The following MSRA variants were observed in gnomAD, a reference collection of about 807,000 sequenced individuals.
MSRA encodes mitochondrial peptide methionine sulfoxide reductase.
A neutral mutation model predicts 31.3 loss-of-function variants in MSRA; 54 were observed. The ratio of observed to expected loss-of-function variants is 1.73; its 90% CI spans 1.39 to 2.17. The LOEUF is 2.17. Among genes scored for constraint, MSRA ranks in the 30% most tolerant of loss-of-function variants. The pLI is 0.00. For synonymous variants in MSRA, 169 were observed against 116.5 expected, an observed-to-expected ratio of 1.45 and a Z score of -2.90; for missense variants, 507 against 300.9, an observed-to-expected ratio of 1.69 and a Z score of -5.07.
At chr8:10,351,700 G>T (rs1804160207) in intron 5 of MSRA, among the ~76,000 whole-genome samples, 1 of 152,230 alleles carries the variant, frequency 6.6e-6, no homozygotes, top group Non-Finnish European at 1.5e-5. Flanking sequence ...AAGAAGACTT[G>T]TGGTGTGGAT....
At chr8:10,226,060 C>G (rs1810972552) in intron 2 of MSRA, among the ~76,000 whole-genome samples, 1 of 152,174 alleles carries the variant, frequency 6.6e-6, no homozygotes, top group Admixed American at 6.5e-5. Context: ...AGCCTCTGGA[C>G]CTCATGGTTC....
intron 1 of MSRA, among the ~76,000 whole-genome samples, chr8:10,077,468 A>C (rs1585098327): frequency 1.4e-5 from 2 of 144,616 alleles, no homozygotes; most frequent in South Asian, 2.2e-4. Context: ...ATTCTTTTTC[A>C]CTACCTTCTC....
Position 10,245,185 on chromosome 8 carries a change from G to T in MSRA, c.293G>T (p.Gly98Val). The T allele has an allele frequency of 6.2e-7, 1 of 1,613,628 alleles. No individual in the cohort carries two copies. Among genetic ancestry groups the T allele is most frequent in the East Asian group, 2.2e-5 (1 of 44,836 alleles). The part of the protein sequence containing the change: ...VYSTQVGFAG[G>V]YTSNPTYKEV... ...TCAACTCAAGTTGGTTTTGCAGGAG[G>T]CTATACTTCAAATCCTACTTATAAA... The change falls in exon 3 of 6, where the codon GGC becomes GTC. Residue 98 changes from glycine to valine, a missense_variant. Gly to Val is a moderately radical substitution (Grantham distance 109). Transcript: ENST00000317173.
intron 5 of MSRA, among the ~76,000 whole-genome samples, chr8:10,355,786 A>T (rs900248249): frequency 9.5e-4 from 144 of 152,188 alleles, no homozygotes; most frequent in African/African-American, 3.4e-3. Context: ...AGCCAGGAAG[A>T]TATGCCATAT....
intron 2 of MSRA, among the ~76,000 whole-genome samples, chr8:10,242,362 A>G (rs1050900995): frequency 1.3e-5 from 2 of 152,166 alleles, no homozygotes; most frequent in Admixed American, 1.3e-4. Flanking sequence ...ATAAAGTGTA[A>G]GAAACATAGG....
chr8:10,359,148 G>T (rs1275829131), intron 5 of MSRA, among the ~76,000 whole-genome samples: 1 of 152,124 alleles, frequency 6.6e-6, no homozygotes, highest in Non-Finnish European at 1.5e-5. Context: ...GTTGTCTTCA[G>T]TTATGTACTT....
intron 2 of MSRA, among the ~76,000 whole-genome samples, chr8:10,230,294 T>C (rs1482483249): frequency 6.6e-6 from 1 of 152,202 alleles, no homozygotes; most frequent in African/African-American, 2.4e-5. Flanking sequence ...TGATTGACAT[T>C]CTGGAAAGAC....
At chr8:10,394,907 A>G (rs1311731036) in intron 5 of MSRA, among the ~76,000 whole-genome samples, 1 of 152,220 alleles carries the variant, frequency 6.6e-6, no homozygotes, top group African/African-American at 2.4e-5. Context: ...CTACAGTTAT[A>G]TTTCCATTCA....
At chr8:10,134,636 G>T (rs1802138407) in intron 1 of MSRA, among the ~76,000 whole-genome samples, 1 of 152,196 alleles carries the variant, frequency 6.6e-6, no homozygotes, top group African/African-American at 2.4e-5. Flanking sequence ...CGGCAGACCA[G>T]GCATGACTGC....
At chr8:10,239,633 G>A (rs1812238954) in intron 2 of MSRA, among the ~76,000 whole-genome samples, 1 of 152,176 alleles carries the variant, frequency 6.6e-6, no homozygotes, top group African/African-American at 2.4e-5. Context: ...GAGTGCCCAG[G>A]CAATAGCTGT....
chr8:10,351,545 C>G (rs1355566071), intron 5 of MSRA, among the ~76,000 whole-genome samples: 1 of 152,144 alleles, frequency 6.6e-6, no homozygotes, highest in East Asian at 1.9e-4. Flanking sequence ...AGCCACTGTG[C>G]CCGGCCGAAA....
chr8:10,110,558 T>C (rs1281434809), intron 1 of MSRA, among the ~76,000 whole-genome samples: 1 of 152,240 alleles, frequency 6.6e-6, no homozygotes, highest in East Asian at 1.9e-4. Context: ...TTTCTTTCAT[T>C]GTTTTCTGTA....
intron 1 of MSRA, among the ~76,000 whole-genome samples, chr8:10,131,598 T>C (rs993915936): frequency 3.9e-5 from 6 of 152,214 alleles, no homozygotes; most frequent in Non-Finnish European, 4.4e-5. Flanking sequence ...GGAATCCTAG[T>C]ATTCACACAT....
intron 1 of MSRA, among the ~76,000 whole-genome samples, chr8:10,119,160 CT>C (rs1156843639): frequency 6.6e-6 from 1 of 152,216 alleles, no homozygotes; most frequent in Non-Finnish European, 1.5e-5. Flanking sequence ...CACAAGAACT[CT>C]CTAAACATGT....
intron 1 of MSRA, among the ~76,000 whole-genome samples, chr8:10,089,485 G>T (rs982665045): frequency 2.0e-5 from 3 of 152,216 alleles, no homozygotes; most frequent in African/African-American, 4.8e-5. Flanking sequence ...CCCATGGTCA[G>T]TGTCTGATGT....
chr8:10,330,061 A>G (rs1585490856), intron 5 of MSRA, among the ~76,000 whole-genome samples: 1 of 135,374 alleles, frequency 7.4e-6, no homozygotes, highest in Non-Finnish European at 1.6e-5. Flanking sequence ...AAGCATTTGG[A>G]TGTTTGGCAA....
At chr8:10,093,369 G>C (rs995127728) in intron 1 of MSRA, among the ~76,000 whole-genome samples, 3 of 151,900 alleles carry the variant, frequency 2.0e-5, no homozygotes, top group African/African-American at 7.3e-5. Context: ...TGGTTGCCCT[G>C]GGGATTACAG....
chr8:10,160,695 A>G (rs559130264), intron 1 of MSRA, among the ~76,000 whole-genome samples: 9 of 152,040 alleles, frequency 5.9e-5, no homozygotes, highest in Non-Finnish European at 1.2e-4. Flanking sequence ...ACACCTGGCT[A>G]ATTTTTGTAT....
At chr8:10,147,180 C>T (rs1253088341) in intron 1 of MSRA, among the ~76,000 whole-genome samples, 1 of 152,128 alleles carries the variant, frequency 6.6e-6, no homozygotes, top group Non-Finnish European at 1.5e-5. Flanking sequence ...GACGGGTCCT[C>T]AGGTTTGAGC....
Sources: allele counts gnomAD v4.1 joint callset (sites outside exome capture counted in the v4.1 genomes callset), GRCh38; gene constraint gnomAD v4.1.1; transcripts MANE v1.5; gene names NCBI Gene and HGNC (gene_info 2026-07-23, HGNC 2026-07-21).